NALF1: variants seen among roughly 807,000 people sequenced by gnomAD.
NALF1 encodes NALCN channel auxiliary factor 1.
NALF1 carries 3 observed loss-of-function variants against 48.4 expected under a neutral mutation model. The observed-to-expected ratio is 0.06, with a 90% CI of 0.03 to 0.16. NALF1 has a LOEUF of 0.16. Among genes scored for constraint, NALF1 ranks in the 10% least tolerant of loss-of-function variants. The probability of loss-of-function intolerance (pLI) is 1.00; values close to 1 mark genes in which losing one functional copy is unlikely to be tolerated. For synonymous variants in NALF1, 262 were observed against 245.7 expected (o/e 1.07, Z -0.62); for missense variants, 526 against 571.5 (o/e 0.92, Z 0.81).
chr13:107,659,922 G>A lies in NALF1; in HGVS notation c.915+205760C>T, dbSNP rs183250366. Among the ~76,000 whole-genome samples the A allele has an allele frequency of 0.018, 2,761 of 151,310 alleles. 140 individuals are homozygous for A. In the East Asian group the frequency reaches 0.2, roughly 11 times the overall value. ...AATTTTTTGTATTTTTAGTAGAGAC[G>A]GGGTTTCACCATGTTAGCCAGGATG... On this transcript the variant is annotated intron_variant, in intron 1 of 2. Coordinates refer to ENST00000375915, the MANE Select transcript of NALF1 (RefSeq NM_001080396.3).
chr13:107,514,761 G>A (rs1466719697), intron 1 of NALF1, among the ~76,000 whole-genome samples: 1 of 152,128 alleles, frequency 6.6e-6, no homozygotes, highest in Non-Finnish European at 1.5e-5. Context: ...AAATGGTAGA[G>A]CCTGGTCTGT....
intron 1 of NALF1, among the ~76,000 whole-genome samples, chr13:107,626,113 T>C (rs943124783): frequency 6.6e-6 from 1 of 152,094 alleles, no homozygotes; most frequent in Non-Finnish European, 1.5e-5. Context: ...CATTAATAAC[T>C]GATGAGGTGA....
At chr13:107,421,877 C>G (rs917151314) in intron 1 of NALF1, among the ~76,000 whole-genome samples, 1 of 152,140 alleles carries the variant, frequency 6.6e-6, no homozygotes, top group Non-Finnish European at 1.5e-5. Context: ...CAATCTTCAA[C>G]AAAGTCCTAG....
intron 1 of NALF1, among the ~76,000 whole-genome samples, chr13:107,690,575 T>C (rs554008135): frequency 1.3e-5 from 2 of 152,306 alleles, no homozygotes; most frequent in Middle Eastern, 3.4e-3. Context: ...TCTTAAAATT[T>C]AGGAAATGAA....
rs939149200 is a variant in NALF1, at chr13:107,423,569, C to T, written c.916-212814G>A. 3.3e-5 allele frequency among the ~76,000 whole-genome samples: 5 copies of T among 152,042 alleles called. No individual in the cohort carries two copies. The South Asian group carries it at 6.2e-4, about 19-fold the overall frequency. On this transcript the variant is annotated intron_variant, in intron 1 of 2. Coordinates refer to ENST00000375915, the MANE Select transcript of NALF1 (RefSeq NM_001080396.3). The stretch of plus-strand genomic sequence containing the variant: ...TATTTCAAAAAGAGGAAAAAAAACT[C>T]GGGTTTCTGAAAACAAAATTTTCTT...
At chr13:107,281,403 A>AATTTGAGCATGAGGGGAAAATATTT (rs1881384791) in intron 1 of NALF1, among the ~76,000 whole-genome samples, 1 of 152,234 alleles carries the variant, frequency 6.6e-6, no homozygotes, top group East Asian at 1.9e-4. Flanking sequence ...CAATTGGCAT[A>AATTTGAGCATGAGGGGAAAATATTT]ATTTGAGCAT....
At chr13:107,716,128 C>T (rs539011442) in intron 1 of NALF1, among the ~76,000 whole-genome samples, 131 of 152,280 alleles carry the variant, frequency 8.6e-4, no homozygotes, top group Middle Eastern at 3.4e-3. Context: ...CTTAGATCCC[C>T]CATCAATGCT....
intron 2 of NALF1, among the ~76,000 whole-genome samples, chr13:107,174,359 ATTTATT>A: frequency 7.1e-6 from 1 of 141,398 alleles, no homozygotes; most frequent in East Asian, 2.1e-4. Context: ...TTATTTATTT[ATTTATT>A]TTTTTTTTTG....
At chr13:107,763,809 G>A (rs910947522) in intron 1 of NALF1, among the ~76,000 whole-genome samples, 1 of 152,056 alleles carries the variant, frequency 6.6e-6, no homozygotes, top group Non-Finnish European at 1.5e-5. Flanking sequence ...AGGACTACCA[G>A]GTATACAATG....
In NALF1 at chr13:107,697,287, T is replaced by A. The variant is rs74999730; in HGVS notation, c.915+168395A>T. ...AAGAGTTCTGTATGTTTTATATGGC[T>A]CTGCTAAAAGATTCTTCATAGCATT... is the stretch of plus-strand genomic sequence containing the variant. On this transcript the variant is annotated intron_variant, in intron 1 of 2. Transcript: ENST00000375915. 6.1e-3 allele frequency among the ~76,000 whole-genome samples: 932 copies of A among 152,250 alleles called. 8 individuals are homozygous for A. Among genetic ancestry groups the A allele is most frequent in the African/African-American group, 0.021 (892 of 41,584 alleles).
chr13:107,562,849 C>T (rs1005774262), intron 1 of NALF1, among the ~76,000 whole-genome samples: 1 of 152,094 alleles, frequency 6.6e-6, no homozygotes, highest in Non-Finnish European at 1.5e-5. Context: ...TTTCATTTCA[C>T]GGAAAAAATT....
chr13:107,614,440 G>C (rs1323964370), intron 1 of NALF1, among the ~76,000 whole-genome samples: 4 of 152,132 alleles, frequency 2.6e-5, no homozygotes, highest in African/African-American at 9.7e-5. Flanking sequence ...CTCTTTGTGT[G>C]ATCTTAGGCA....
chr13:107,204,737 T>C (rs1298148334), intron 2 of NALF1, among the ~76,000 whole-genome samples: 2 of 152,216 alleles, frequency 1.3e-5, no homozygotes, highest in Non-Finnish European at 1.5e-5. Flanking sequence ...ATTCTGGGCA[T>C]ACCATCTCCC....
At chr13:107,557,570 C>A (rs1405243092) in intron 1 of NALF1, among the ~76,000 whole-genome samples, 1 of 152,154 alleles carries the variant, frequency 6.6e-6, no homozygotes, top group African/African-American at 2.4e-5. Context: ...TGGACTGCTC[C>A]TGGCTCTGTC....
At chr13:107,230,087 T>C (rs771356651) in intron 1 of NALF1, among the ~76,000 whole-genome samples, 6 of 152,222 alleles carry the variant, frequency 3.9e-5, no homozygotes, top group Non-Finnish European at 7.3e-5. Flanking sequence ...CACCCAGAGA[T>C]GCCTCATGCA....
At chr13:107,401,504 T>A (rs1883806878) in intron 1 of NALF1, among the ~76,000 whole-genome samples, 1 of 152,200 alleles carries the variant, frequency 6.6e-6, no homozygotes, top group Non-Finnish European at 1.5e-5. Context: ...AAATCTGAAA[T>A]ATCTTTATCA....
At chr13:107,399,603 C>G (rs565687676) in intron 1 of NALF1, among the ~76,000 whole-genome samples, 1 of 152,158 alleles carries the variant, frequency 6.6e-6, no homozygotes, top group South Asian at 2.1e-4. Flanking sequence ...ATCCTTTTAC[C>G]TACAAAATGC....
At chr13:107,797,325 C>G (rs2138592842) in intron 1 of NALF1, among the ~76,000 whole-genome samples, 1 of 152,322 alleles carries the variant, frequency 6.6e-6, no homozygotes, top group South Asian at 2.1e-4. Context: ...CCTGCCTCAG[C>G]CTCCCCAGTA....
chr13:107,415,036 C>T (rs556399831), intron 1 of NALF1, among the ~76,000 whole-genome samples: 2 of 152,164 alleles, frequency 1.3e-5, no homozygotes, highest in East Asian at 3.9e-4. Context: ...AATTATAATG[C>T]TTACCTTTAA....
Sources: gnomAD v4.1 joint callset for allele counts (sites outside exome capture counted in the v4.1 genomes callset) on GRCh38, gnomAD v4.1.1 for gene constraint, MANE v1.5 for transcripts, NCBI Gene and HGNC (gene_info 2026-07-23, HGNC 2026-07-21) for gene names.